Variants in ARID5B observed in about 807,000 individuals in gnomAD.
ARID5B encodes AT-rich interactive domain-containing protein 5B.
A neutral mutation model predicts 97.2 loss-of-function variants in ARID5B; 13 were observed. The observed-to-expected ratio is 0.13, with a 90% CI of 0.09 to 0.21. The LOEUF (loss-of-function observed/expected upper bound fraction) is 0.21, where lower values mean the gene tolerates loss of function less well. Ranked by LOEUF, ARID5B falls within the 10% of genes least tolerant of loss-of-function variation. The pLI, the probability that ARID5B is intolerant of heterozygous loss-of-function variation, is 1.00. For missense variants in ARID5B, 1,210 were observed against 1,465.3 expected (o/e 0.83, Z 2.84); for synonymous variants, 556 against 570.3 (o/e 0.97, Z 0.36).
chr10:62,079,232 G>C (rs1466582815), intron 8 of ARID5B, among the ~76,000 whole-genome samples: 2 of 152,184 alleles, frequency 1.3e-5, no homozygotes, highest in Admixed American at 1.3e-4. Flanking sequence ...ACCTTTTTGA[G>C]ATGAAGATAG....
chr10:61,973,309 G>A (rs1285702251), intron 3 of ARID5B, among the ~76,000 whole-genome samples: 1 of 152,194 alleles, frequency 6.6e-6, no homozygotes, highest in Non-Finnish European at 1.5e-5. Flanking sequence ...AAAGTGATGG[G>A]CTGAGACCCT....
intron 3 of ARID5B, among the ~76,000 whole-genome samples, chr10:61,967,719 G>A (rs1438311158): frequency 1.3e-5 from 2 of 152,152 alleles, no homozygotes; most frequent in African/African-American, 2.4e-5. Flanking sequence ...TGTAGACACA[G>A]CCTCCAAAAA....
At chr10:61,939,639 T>C (rs1319931880) in intron 2 of ARID5B, among the ~76,000 whole-genome samples, 1 of 152,226 alleles carries the variant, frequency 6.6e-6, no homozygotes, top group Non-Finnish European at 1.5e-5. Context: ...GTATTTCTTT[T>C]GGGATTACAT....
In ARID5B at chr10:61,940,287, A is replaced by C. The variant is rs201766196; in HGVS notation, c.381A>C (p.Gly127=). 2.9e-5 allele frequency: 47 copies of C among 1,614,068 alleles called. No individual in the cohort carries two copies. Among genetic ancestry groups the C allele is most frequent in the Non-Finnish European group, 2.5e-6 (3 of 1,180,032 alleles). ...FSKWRCGFHA[G]PVKTEALGRN... is the part of the protein sequence containing the mutation. ...AGTGGAGATGTGGCTTCCACGCTGGACCAGTGAAAACTGAGGCCTTGGGAA... is the reference window on the plus strand; with the variant it reads ...AGTGGAGATGTGGCTTCCACGCTGGCCCAGTGAAAACTGAGGCCTTGGGAA... The change falls in exon 3 of 10, where the codon GGA becomes GGC. Residue 127 remains glycine, a synonymous_variant. Coordinates refer to ENST00000279873, the MANE Select transcript of ARID5B (RefSeq NM_032199.3).
intron 3 of ARID5B, among the ~76,000 whole-genome samples, chr10:61,986,254 T>C (rs1452773378): frequency 6.6e-6 from 1 of 152,180 alleles, no homozygotes; most frequent in African/African-American, 2.4e-5. Context: ...TGTCCTCCTG[T>C]ATAAAATGGG....
intron 3 of ARID5B, among the ~76,000 whole-genome samples, chr10:61,957,303 C>A (rs991307669): frequency 6.6e-6 from 1 of 152,152 alleles, no homozygotes; most frequent in Non-Finnish European, 1.5e-5. Context: ...GAGTTTCTCT[C>A]TGTCGCCCAG....
At position 62,096,428 on chromosome 10, in the gene ARID5B, A is replaced by G. The variant is rs561779396; in HGVS notation, c.*3398A>G. On this transcript the variant is annotated 3_prime_UTR_variant, in exon 10 of 10. Coordinates refer to ENST00000279873, the MANE Select transcript of ARID5B (RefSeq NM_032199.3). ...CTAGTTTTACTCTTGTCCCAATTTT[A>G]AAGAGAAATGGGAATGAGTTTGCCC... The G allele has an allele frequency of 8.6e-6, 2 of 233,606 alleles. No individual in the cohort carries two copies. Among genetic ancestry groups the G allele is most frequent in the South Asian group, 3.6e-4 (2 of 5,534 alleles). 14.5% of individuals were successfully genotyped at this position (233,606 alleles called of 1,614,324 possible). A position where few individuals can be genotyped will look rare whatever the true frequency, so the allele number is the denominator to read the frequency against.
At chr10:61,930,015 G>C (rs1188933530) in intron 2 of ARID5B, among the ~76,000 whole-genome samples, 1 of 152,214 alleles carries the variant, frequency 6.6e-6, no homozygotes, top group Non-Finnish European at 1.5e-5. Flanking sequence ...GATAACAAGG[G>C]ACTAGAGTGT....
chr10:62,028,879 T>G (rs1010922875), intron 4 of ARID5B, among the ~76,000 whole-genome samples: 3 of 150,882 alleles, frequency 2.0e-5, no homozygotes, highest in Non-Finnish European at 4.4e-5. Flanking sequence ...GAGAATCACT[T>G]GAACCCAGGA....
rs569472187 is a variant in ARID5B, at chr10:61,919,673, C to T, written c.276+17260C>T. Among the ~76,000 whole-genome samples, 82 of 152,124 alleles carry T rather than the reference C, an allele frequency of 5.4e-4. 1 individual carries two copies. The highest frequency in any genetic ancestry group is 7.2e-4 in the Non-Finnish European group (49 of 68,020). On this transcript the variant is annotated intron_variant, in intron 2 of 9. Transcript: ENST00000279873. ...TAAATACAGAAAAAATAACTGAATT[C>T]GATATTTCTTAAGTGAAATAATCTG... is the stretch of plus-strand genomic sequence containing the variant.
intron 2 of ARID5B, among the ~76,000 whole-genome samples, chr10:61,907,933 G>A (rs2132754162): frequency 6.6e-6 from 1 of 152,342 alleles, no homozygotes; most frequent in Middle Eastern, 3.4e-3. Flanking sequence ...GGCCTATGCG[G>A]TTGATCTGCA....
chr10:62,012,294 G>T (rs998756550), intron 4 of ARID5B, among the ~76,000 whole-genome samples: 1 of 152,130 alleles, frequency 6.6e-6, no homozygotes, highest in Non-Finnish European at 1.5e-5. Flanking sequence ...GCCGAAGTGG[G>T]CAGATCCCTT....
intron 3 of ARID5B, among the ~76,000 whole-genome samples, chr10:61,961,685 C>A (rs560472725): frequency 2.0e-5 from 3 of 152,290 alleles, no homozygotes; most frequent in African/African-American, 7.2e-5. Context: ...TGGTTTGATA[C>A]CTAGCCCCTT....
At chr10:62,048,250 C>G (rs1163657701) in intron 4 of ARID5B, among the ~76,000 whole-genome samples, 1 of 152,192 alleles carries the variant, frequency 6.6e-6, no homozygotes, top group Non-Finnish European at 1.5e-5. Flanking sequence ...ACATGTTATG[C>G]AATGCAGCCT....
At chr10:62,053,526 A>T (rs928658212) in intron 5 of ARID5B, among the ~76,000 whole-genome samples, 1 of 152,220 alleles carries the variant, frequency 6.6e-6, no homozygotes, top group African/African-American at 2.4e-5. Context: ...TGAAGATCTC[A>T]TGACTGTGTT....
intron 2 of ARID5B, among the ~76,000 whole-genome samples, chr10:61,937,134 G>A (rs886942510): frequency 3.3e-5 from 5 of 152,230 alleles, no homozygotes; most frequent in Admixed American, 2.6e-4. Flanking sequence ...GCCCACGGGG[G>A]CCAGATAGTT....
chr10:62,007,398 T>C (rs539033309), intron 4 of ARID5B, among the ~76,000 whole-genome samples: 9 of 152,344 alleles, frequency 5.9e-5, no homozygotes, highest in African/African-American at 1.9e-4. Context: ...AGCTATTATA[T>C]GTGAGGTGCT....
intron 2 of ARID5B, among the ~76,000 whole-genome samples, chr10:61,912,724 T>C (rs1466889395): frequency 6.6e-6 from 1 of 151,422 alleles, no homozygotes; most frequent in Non-Finnish European, 1.5e-5. Context: ...AGATAACTTG[T>C]CCTGTTATCT....
intron 4 of ARID5B, among the ~76,000 whole-genome samples, chr10:62,004,943 G>A (rs1015515080): frequency 6.6e-6 from 1 of 152,182 alleles, no homozygotes; most frequent in Non-Finnish European, 1.5e-5. Flanking sequence ...CAAGGTGTGT[G>A]GTACTAAATG....
Sources: gnomAD v4.1 joint callset for allele counts (sites outside exome capture counted in the v4.1 genomes callset) on GRCh38, gnomAD v4.1.1 for gene constraint, MANE v1.5 for transcripts, NCBI Gene and HGNC (gene_info 2026-07-23, HGNC 2026-07-21) for gene names.